Variants in RAB11FIP4 observed in about 807,000 individuals in gnomAD.
RAB11FIP4 encodes the protein RAB11 family interacting protein 4.
A neutral mutation model predicts 74.3 loss-of-function variants in RAB11FIP4; 23 were observed. The ratio of observed to expected loss-of-function variants is 0.31; its 90% confidence interval spans 0.22 to 0.44. The LOEUF (loss-of-function observed/expected upper bound fraction) is 0.44, where lower values mean the gene tolerates loss of function less well. Ranked by LOEUF, RAB11FIP4 falls within the 20% of genes least tolerant of loss-of-function variation. RAB11FIP4 has a pLI of 1.00. For synonymous variants in RAB11FIP4, 360 were observed against 359.9 expected (o/e 1.00, Z 0.00); for missense variants, 630 against 863.9 (o/e 0.73, Z 3.39).
At chr17:31,500,061 T>G (rs2072189723) in intron 3 of RAB11FIP4, among the ~76,000 whole-genome samples, 1 of 152,176 alleles carries the variant, frequency 6.6e-6, no homozygotes, top group Non-Finnish European at 1.5e-5. Flanking sequence ...GTAGGCTAGA[T>G]AGCCTCTTCA....
intron 3 of RAB11FIP4, among the ~76,000 whole-genome samples, chr17:31,495,818 C>T (rs1204555169): frequency 6.6e-6 from 1 of 152,200 alleles, no homozygotes; most frequent in East Asian, 1.9e-4. Context: ...CAGGTGTGTG[C>T]TCATGTGCTT....
chr17:31,464,220 C>T (rs2071662162), intron 3 of RAB11FIP4, among the ~76,000 whole-genome samples: 2 of 151,120 alleles, frequency 1.3e-5, no homozygotes, highest in Admixed American at 6.6e-5. Context: ...GTGTGGGGGA[C>T]CCCCCCAGCT....
intron 3 of RAB11FIP4, chr17:31,488,091 G>T: frequency 2.0e-6 from 2 of 1,015,636 alleles, no homozygotes; most frequent in Non-Finnish European, 2.3e-6. Context: ...ACGGGCGGGG[G>T]CGGGGCCGCG....
intron 1 of RAB11FIP4, among the ~76,000 whole-genome samples, chr17:31,401,941 C>T (rs1418188588): frequency 1.3e-5 from 2 of 152,170 alleles, no homozygotes; most frequent in Non-Finnish European, 2.9e-5. Flanking sequence ...TCTGCTCACA[C>T]TTCCTCCACC....
intron 3 of RAB11FIP4, among the ~76,000 whole-genome samples, chr17:31,492,866 A>AC (rs11422116): frequency 0.68 from 102,776 of 151,872 alleles, 35,269 homozygotes; most frequent in African/African-American, 0.78. Context: ...AGCATTGATG[A>AC]CAAGAGCTCA....
Position 31,404,358 on chromosome 17 carries a change from A to G in RAB11FIP4, c.159+12347A>G, listed in dbSNP as rs113913534. ...ACTGCACCTCAGATCAGGCCAGGCC[A>G]TCTCTCAGGTTCTCTCCCTGCCCTG... On this transcript the variant is annotated intron_variant, in intron 1 of 14. Coordinates refer to ENST00000621161, the MANE Select transcript of RAB11FIP4 (RefSeq NM_032932.6). Among the ~76,000 whole-genome samples, 62 of 152,302 alleles carry G rather than the reference A, an allele frequency of 4.1e-4. 1 individual carries two copies. Among genetic ancestry groups the G allele is most frequent in the African/African-American group, 1.4e-3 (58 of 41,576 alleles).
In RAB11FIP4 at chr17:31,434,083, G is replaced by A. The variant is rs555139765; in HGVS notation, c.297G>A (p.Thr99=). ...TGCTGTCGGTGGAGAGCGCGGGGAC[G>A]CTGCCGTGCGCGCCAGAGATCCCAG... is the stretch of plus-strand genomic sequence containing the variant. ...KDVLSVESAG[T]LPCAPEIPDC... Residue 99 remains threonine, a synonymous_variant, in exon 3 of 15, where the codon ACG becomes ACA. Transcript: ENST00000621161. 6 of 1,586,188 alleles carry A rather than the reference G, an allele frequency of 3.8e-6. No homozygotes were observed. In the Admixed American group the frequency reaches 7.1e-5, roughly 19 times the overall value.
At chr17:31,394,574 A>G (rs2070909203) in intron 1 of RAB11FIP4, among the ~76,000 whole-genome samples, 1 of 151,974 alleles carries the variant, frequency 6.6e-6, no homozygotes, top group South Asian at 2.1e-4. Flanking sequence ...GTCTGTCAGT[A>G]ATTTCTGGAA....
intron 4 of RAB11FIP4, among the ~76,000 whole-genome samples, chr17:31,520,255 C>A (rs994478888): frequency 6.6e-6 from 1 of 152,118 alleles, no homozygotes; most frequent in Non-Finnish European, 1.5e-5. Context: ...CATTTCATAT[C>A]TGGGACTTGA....
chr17:31,461,703 T>G (rs1008666427), intron 3 of RAB11FIP4, among the ~76,000 whole-genome samples: 19 of 150,902 alleles, frequency 1.3e-4, no homozygotes, highest in African/African-American at 3.7e-4. Context: ...ATGACAAGCA[T>G]GATCCACTGC....
At chr17:31,417,658 G>A (rs146210856) in intron 1 of RAB11FIP4, among the ~76,000 whole-genome samples, 40 of 152,224 alleles carry the variant, frequency 2.6e-4, no homozygotes, top group Non-Finnish European at 4.3e-4. Flanking sequence ...GTGGGGCTGC[G>A]GTGGGGAACT....
intron 1 of RAB11FIP4, 51 bp downstream of exon 1, chr17:31,392,062 C>A: frequency 8.9e-7 from 1 of 1,128,696 alleles, no homozygotes; most frequent in Non-Finnish European, 1.1e-6. Context: ...CCCAGCCCCG[C>A]CGCCCCTCCC....
intron 1 of RAB11FIP4, among the ~76,000 whole-genome samples, chr17:31,413,111 G>A (rs1392224799): frequency 1.3e-5 from 2 of 152,130 alleles, no homozygotes; most frequent in Admixed American, 1.3e-4. Context: ...TCATTTTCTG[G>A]GGAATGGAGG....
chr17:31,520,956 A>G (rs1381223234), intron 4 of RAB11FIP4: 7 of 365,110 alleles, frequency 1.9e-5, no homozygotes, highest in Middle Eastern at 7.1e-4. Flanking sequence ...GTGGAGTAGC[A>G]TGGGTAGAAT....
intron 3 of RAB11FIP4, 120 bp from the exon 4 acceptor site, chr17:31,517,531 T>G: frequency 1.1e-6 from 1 of 898,678 alleles, no homozygotes; most frequent in Admixed American, 2.2e-5. Flanking sequence ...GTTCGGGATC[T>G]GGGCCTCCTG....
intron 3 of RAB11FIP4, among the ~76,000 whole-genome samples, chr17:31,447,095 T>G (rs147981074): frequency 2.0e-5 from 3 of 152,112 alleles, no homozygotes; most frequent in Non-Finnish European, 2.9e-5. Context: ...CCATCCTGGC[T>G]AACACGGTGA....
intron 10 of RAB11FIP4, chr17:31,527,418 A>T (rs906460690): frequency 1.3e-5 from 2 of 157,640 alleles, no homozygotes; most frequent in African/African-American, 4.8e-5. Context: ...CCTGGCCAAC[A>T]TGGCAAAACC....
At chr17:31,530,066 G>GA (rs2072839459) in intron 13 of RAB11FIP4, among the ~76,000 whole-genome samples, 1 of 152,220 alleles carries the variant, frequency 6.6e-6, no homozygotes, top group African/African-American at 2.4e-5. Context: ...AGGAGCCTTG[G>GA]CTGCGCTGAG....
chr17:31,467,306 TG>T, intron 3 of RAB11FIP4, among the ~76,000 whole-genome samples: 1 of 152,110 alleles, frequency 6.6e-6, no homozygotes, highest in East Asian at 1.9e-4. Flanking sequence ...GAGACTAAAA[TG>T]GGGGTTTCAC....
Sources: allele counts gnomAD v4.1 joint callset (sites outside exome capture counted in the v4.1 genomes callset), GRCh38; gene constraint gnomAD v4.1.1; transcripts MANE v1.5; gene names NCBI Gene and HGNC (gene_info 2026-07-23, HGNC 2026-07-21).